PLA2G5: variants seen among roughly 807,000 people sequenced by gnomAD.
The protein encoded by PLA2G5 is Ca2+-dependent phospholipase A2.
Under a neutral mutation model 15.9 loss-of-function variants are expected in PLA2G5, and 12 were observed. That is an observed-to-expected ratio of 0.76 (90% CI 0.48 to 1.23). PLA2G5 has a LOEUF of 1.23. PLA2G5 is among the 50% of genes most tolerant of loss of function. The pLI, the probability that PLA2G5 is intolerant of heterozygous loss-of-function variation, is 0.00. For missense variants in PLA2G5, 169 were observed against 177.1 expected, an observed-to-expected ratio of 0.95 and a Z score of 0.26; for synonymous variants, 71 against 71.4, an observed-to-expected ratio of 0.99 and a Z score of 0.03.
chr1:20,062,795 G>C (rs1469390489), intron 2 of PLA2G5, among the ~76,000 whole-genome samples: 3 of 152,174 alleles, frequency 2.0e-5, no homozygotes, highest in Admixed American at 6.5e-5. Flanking sequence ...TGGTACATCT[G>C]TGTGCCTAGG....
chr1:20,078,426 A>G (rs1287098872), intron 1 of PLA2G5, among the ~76,000 whole-genome samples: 2 of 151,966 alleles, frequency 1.3e-5, no homozygotes, highest in African/African-American at 4.8e-5. Flanking sequence ...GTGTGTTCGT[A>G]GGTGGGGGAA....
chr1:20,086,660 G>T (rs564596494), intron 3 of PLA2G5, among the ~76,000 whole-genome samples: 3 of 152,276 alleles, frequency 2.0e-5, no homozygotes, highest in East Asian at 1.9e-4. Flanking sequence ...AAGGATGTTC[G>T]GGATTCCTCC....
At chr1:20,053,780 C>T (rs920356490) in intron 1 of PLA2G5, among the ~76,000 whole-genome samples, 1 of 152,140 alleles carries the variant, frequency 6.6e-6, no homozygotes, top group African/African-American at 2.4e-5. Context: ...ACCATTAATG[C>T]AGCAATGTTG....
intron 1 of PLA2G5, among the ~76,000 whole-genome samples, chr1:20,056,230 G>T (rs2014426346): frequency 6.6e-6 from 1 of 151,960 alleles, no homozygotes; most frequent in Admixed American, 6.6e-5. Flanking sequence ...CCCCACTGCG[G>T]TAGCTCCCAA....
chr1:20,080,228 G>C (rs2015932911), intron 1 of PLA2G5, among the ~76,000 whole-genome samples: 1 of 152,108 alleles, frequency 6.6e-6, no homozygotes, highest in African/African-American at 2.4e-5. Context: ...AAGAGCCCTG[G>C]ATCGAGGGTG....
chr1:20,040,265 A>G (rs1198437217), intron 1 of PLA2G5, among the ~76,000 whole-genome samples: 1 of 152,084 alleles, frequency 6.6e-6, no homozygotes, highest in Non-Finnish European at 1.5e-5. Flanking sequence ...TTGTGAAGGT[A>G]TTTTTGTACA....
chr1:20,074,574 T>A (rs1463830533), intron 1 of PLA2G5, among the ~76,000 whole-genome samples: 2 of 152,186 alleles, frequency 1.3e-5, no homozygotes, highest in Non-Finnish European at 2.9e-5. Flanking sequence ...TTCCTTTTCC[T>A]GAGAAGTCGA....
chr1:20,061,296 C>T (rs901541116), intron 2 of PLA2G5, among the ~76,000 whole-genome samples: 1 of 152,162 alleles, frequency 6.6e-6, no homozygotes, highest in Non-Finnish European at 1.5e-5. Flanking sequence ...ATAAATCTCT[C>T]AGCACATACC....
rs376155738 is a variant in PLA2G5 at position 20,036,483 on chromosome 1, G to A, written n.276+7774G>A. Reference sequence around the variant, plus strand: ...TTTGTCAGATTGGGTTAATTAGAAAGCCTTGTTTTCAAGCTCTGAAAATAT... The same window carrying A: ...TTTGTCAGATTGGGTTAATTAGAAAACCTTGTTTTCAAGCTCTGAAAATAT... On this transcript the variant is annotated intron_variant and non_coding_transcript_variant, in intron 1 of 6. Coordinates refer to the PLA2G5 transcript ENST00000460175. Among the ~76,000 whole-genome samples the A allele has an allele frequency of 2.4e-4, 37 of 152,064 alleles. No individual in the cohort carries two copies. In the East Asian group the frequency reaches 4.4e-3, roughly 18 times the overall value.
intron 1 of PLA2G5, among the ~76,000 whole-genome samples, chr1:20,052,700 A>G (rs1336827762): frequency 6.6e-6 from 1 of 152,128 alleles, no homozygotes. Flanking sequence ...TCTCCAAACT[A>G]TTTTTAAAAA....
intron 1 of PLA2G5, among the ~76,000 whole-genome samples, chr1:20,072,895 C>A (rs952760867): frequency 6.6e-6 from 1 of 152,216 alleles, no homozygotes; most frequent in Non-Finnish European, 1.5e-5. Context: ...GGGTTAGAAA[C>A]TTTTCGGTGC....
intron 1 of PLA2G5, among the ~76,000 whole-genome samples, chr1:20,081,249 C>T (rs992700127): frequency 2.6e-5 from 4 of 151,812 alleles, no homozygotes; most frequent in African/African-American, 7.3e-5. Flanking sequence ...TCCTGGCGCC[C>T]GCTTTGGGCT....
At chr1:20,067,900 C>G (rs1162147931), upstream of PLA2G5, among the ~76,000 whole-genome samples, 1 of 152,084 alleles carries the variant, frequency 6.6e-6, no homozygotes, top group Admixed American at 6.6e-5. Flanking sequence ...AGGCGGATCT[C>G]CTGAGGTAAG....
intron 1 of PLA2G5, among the ~76,000 whole-genome samples, chr1:20,075,294 C>A (rs143471791): frequency 6.6e-6 from 1 of 152,184 alleles, no homozygotes; most frequent in African/African-American, 2.4e-5. Flanking sequence ...TTGTGACCTA[C>A]CCAGCTCCAT....
At chr1:20,090,231 T>C (rs1003030487) in intron 4 of PLA2G5, among the ~76,000 whole-genome samples, 1 of 152,180 alleles carries the variant, frequency 6.6e-6, no homozygotes, top group Non-Finnish European at 1.5e-5. Context: ...GCCTCTGAGT[T>C]CAAGGCTAAA....
intron 2 of PLA2G5, among the ~76,000 whole-genome samples, chr1:20,085,419 G>A (rs2016237947): frequency 6.6e-6 from 1 of 152,096 alleles, no homozygotes; most frequent in Non-Finnish European, 1.5e-5. Flanking sequence ...AGGAGGAGCT[G>A]GAGGCCTGGT....
At position 20,090,627 on chromosome 1, in the gene PLA2G5, C is replaced by T. The variant is rs2016523033; in HGVS notation, c.352C>T (p.Leu118Phe). 1 of 1,613,952 alleles carries T rather than the reference C, an allele frequency of 6.2e-7. No individual in the cohort carries two copies. The highest frequency in any genetic ancestry group is 2.2e-5 in the East Asian group (1 of 44,886). The change falls in exon 5 of 5, where the codon CTC becomes TTC. Residue 118 changes from leucine (L) to phenylalanine (F), a missense_variant. By Grantham distance (22) the Leu-to-Phe change is conservative. Coordinates refer to ENST00000375108, the MANE Select transcript of PLA2G5 (RefSeq NM_000929.3). ...CACDRKLVYC[L>F]KRNLRSYNPQ... ...CTGTGACCGGAAGCTCGTCTACTGC[C>T]TCAAGAGAAACCTACGGAGCTACAA...
chr1:20,046,789 A>G (rs2013928141), intron 1 of PLA2G5, among the ~76,000 whole-genome samples: 1 of 152,200 alleles, frequency 6.6e-6, no homozygotes, highest in Non-Finnish European at 1.5e-5. Flanking sequence ...GGCTGAGTAC[A>G]GTTTACAGAA....
chr1:20,061,791 A>G (rs1486140787), intron 2 of PLA2G5, among the ~76,000 whole-genome samples: 3 of 152,128 alleles, frequency 2.0e-5, no homozygotes, highest in Non-Finnish European at 4.4e-5. Context: ...ACATCTTTGC[A>G]TATTTGTATT....
Sources: allele counts gnomAD v4.1 joint callset (sites outside exome capture counted in the v4.1 genomes callset), GRCh38; gene constraint gnomAD v4.1.1; transcripts MANE v1.5; gene names NCBI Gene and HGNC (gene_info 2026-07-23, HGNC 2026-07-21).